The following STK32B variants were observed in gnomAD, a reference collection of about 807,000 sequenced individuals.
STK32B encodes serine/threonine kinase 32B, also known as serine/threonine-protein kinase 32B.
A neutral mutation model predicts 52.6 loss-of-function variants in STK32B; 43 were observed. The ratio of observed to expected loss-of-function variants is 0.82; its 90% CI spans 0.64 to 1.05. The LOEUF (loss-of-function observed/expected upper bound fraction) is 1.05. Among genes scored for constraint, STK32B ranks in the 50% least tolerant of loss-of-function variants. The pLI, the probability that STK32B is intolerant of heterozygous loss-of-function variation, is 0.00. For missense variants in STK32B, 621 were observed against 534.6 expected (o/e 1.16, Z -1.59); for synonymous variants, 238 against 204.3 (o/e 1.17, Z -1.41).
Position 5,181,361 on chromosome 4 carries a change from C to CACAT in STK32B, c.260+12914_260+12915insTACA, listed in dbSNP as rs1553846002. Among the ~76,000 whole-genome samples, 6 of 105,016 alleles carry CACAT rather than the reference C, an allele frequency of 5.7e-5. No individual in the cohort carries two copies. In the East Asian group the frequency reaches 1.1e-3, roughly 19 times the overall value. 68.9% of individuals were successfully genotyped at this position (105,016 alleles called of 152,430 possible). On this transcript the variant is annotated intron_variant, in intron 3 of 11. Coordinates refer to ENST00000282908, the MANE Select transcript of STK32B (RefSeq NM_018401.3). ...ACACACACACACACACACACACACA[C>CACAT]ACACACAGAGATCTCATTAAGGATG...
intron 4 of STK32B, among the ~76,000 whole-genome samples, chr4:5,376,837 C>T (rs115351722): frequency 0.032 from 4,906 of 152,272 alleles, 132 homozygotes; most frequent in East Asian, 0.11. Flanking sequence ...GTTCTCCCCA[C>T]ATCCCCTCTG....
intron 5 of STK32B, among the ~76,000 whole-genome samples, chr4:5,408,126 G>A (rs1737797491): frequency 6.6e-6 from 1 of 152,128 alleles, no homozygotes; most frequent in South Asian, 2.1e-4. Context: ...ATGACATTCT[G>A]TTACAGCAGC....
chr4:5,461,254 C>G (rs1210347474), intron 9 of STK32B, among the ~76,000 whole-genome samples: 1 of 152,282 alleles, frequency 6.6e-6, no homozygotes, highest in Non-Finnish European at 1.5e-5. Context: ...AAAGAGACAA[C>G]ATTTGCTCTT....
intron 5 of STK32B, among the ~76,000 whole-genome samples, chr4:5,408,662 G>A (rs1430697495): frequency 6.6e-6 from 1 of 152,108 alleles, no homozygotes; most frequent in Non-Finnish European, 1.5e-5. Context: ...TCCGATTCCA[G>A]CTCGGCCTGG....
chr4:5,409,931 CAT>C (rs1317166907), intron 5 of STK32B, among the ~76,000 whole-genome samples: 4 of 152,160 alleles, frequency 2.6e-5, no homozygotes, highest in Non-Finnish European at 5.9e-5. Flanking sequence ...GTGCTGAAAA[CAT>C]AGTCTTCCTA....
intron 3 of STK32B, among the ~76,000 whole-genome samples, chr4:5,186,726 A>G (rs1341132029): frequency 2.0e-5 from 3 of 152,070 alleles, no homozygotes; most frequent in Non-Finnish European, 4.4e-5. Context: ...CCTCCTCGAC[A>G]TACCCATCCC....
intron 3 of STK32B, among the ~76,000 whole-genome samples, chr4:5,188,227 A>T (rs575540226): frequency 6.6e-6 from 1 of 152,336 alleles, no homozygotes; most frequent in South Asian, 2.1e-4. Flanking sequence ...GGCTGTGCAG[A>T]TGGAGGCCAC....
rs1202845703 is a variant in STK32B, at chr4:5,317,109, A to AAT, written c.261-14103_261-14102dup. ...ATATAATATATATGATATAATATAT[A>AAT]ATATATATAATACATTATAATATAT... On this transcript the variant is annotated intron_variant, in intron 3 of 11. Transcript: ENST00000282908. Among the ~76,000 whole-genome samples, 3 of 36,036 alleles carry AAT rather than the reference A, an allele frequency of 8.3e-5. 1 individual carries two copies. Among genetic ancestry groups the AAT allele is most frequent in the Non-Finnish European group, 1.2e-4 (3 of 25,278 alleles). 23.6% of individuals were successfully genotyped at this position (36,036 alleles called of 152,430 possible).
At chr4:5,472,071 G>C (rs757015396) in intron 11 of STK32B, among the ~76,000 whole-genome samples, 2 of 152,210 alleles carry the variant, frequency 1.3e-5, no homozygotes, top group African/African-American at 2.4e-5. Flanking sequence ...CCCATCATCT[G>C]CACCAAGCAG....
chr4:5,237,632 A>G (rs1237396945), intron 3 of STK32B, among the ~76,000 whole-genome samples: 1 of 152,204 alleles, frequency 6.6e-6, no homozygotes, highest in Non-Finnish European at 1.5e-5. Flanking sequence ...TGTGCAGGAA[A>G]TGAATGTGAG....
At chr4:5,334,464 TTTATTTC>T (rs1308742811) in intron 4 of STK32B, among the ~76,000 whole-genome samples, 1 of 152,182 alleles carries the variant, frequency 6.6e-6, no homozygotes, top group Non-Finnish European at 1.5e-5. Flanking sequence ...TTGAATACCC[TTTATTTC>T]CTTCTCCTGC....
At chr4:5,129,874 T>C (rs1330986499) in intron 1 of STK32B, among the ~76,000 whole-genome samples, 2 of 152,162 alleles carry the variant, frequency 1.3e-5, no homozygotes, top group Admixed American at 1.3e-4. Context: ...CATTCACTTG[T>C]TCTTTCTTTT....
intron 4 of STK32B, among the ~76,000 whole-genome samples, chr4:5,379,016 T>C (rs553537958): frequency 6.6e-6 from 1 of 152,106 alleles, no homozygotes; most frequent in Admixed American, 6.6e-5. Flanking sequence ...TGAAAGAGAT[T>C]CCAGGGTCAA....
At chr4:5,351,368 G>A (rs546337317) in intron 4 of STK32B, among the ~76,000 whole-genome samples, 15 of 152,148 alleles carry the variant, frequency 9.9e-5, no homozygotes, top group Middle Eastern at 3.4e-3. Flanking sequence ...ATAACCACTA[G>A]TTCAAGAAAG....
chr4:5,199,224 G>A lies in STK32B; in HGVS notation c.260+30774G>A, dbSNP rs373201173. Among the ~76,000 whole-genome samples, 13 of 152,272 alleles carry A rather than the reference G, an allele frequency of 8.5e-5. No individual in the cohort carries two copies. The East Asian group carries it at 2.5e-3, about 29-fold the overall frequency. ...TTACTTTAATTGAACATGCACGGTGGTTGTTTGTACAGAAGCAAGCCAAGC... is the reference window on the plus strand; with the variant it reads ...TTACTTTAATTGAACATGCACGGTGATTGTTTGTACAGAAGCAAGCCAAGC... On this transcript the variant is annotated intron_variant, in intron 3 of 11. Transcript: ENST00000282908.
the STK32B span, among the ~76,000 whole-genome samples, chr4:5,022,696 A>G: frequency 6.6e-6 from 1 of 152,224 alleles, no homozygotes; most frequent in African/African-American, 2.4e-5. Flanking sequence ...GAGCAGGTGA[A>G]CATCTCTGAG....
At chr4:5,187,814 T>C (rs1170111602) in intron 3 of STK32B, among the ~76,000 whole-genome samples, 1 of 152,224 alleles carries the variant, frequency 6.6e-6, no homozygotes, top group Non-Finnish European at 1.5e-5. Context: ...CCAAAGCCTA[T>C]GCTCTTTCTA....
At chr4:5,492,750 A>G (rs1390390428) in intron 11 of STK32B, among the ~76,000 whole-genome samples, 4 of 151,432 alleles carry the variant, frequency 2.6e-5, no homozygotes. Context: ...GATACGTCCC[A>G]TCAATACCAA....
At chr4:5,368,412 A>G (rs948347518) in intron 4 of STK32B, among the ~76,000 whole-genome samples, 2 of 151,840 alleles carry the variant, frequency 1.3e-5, no homozygotes, top group African/African-American at 4.9e-5. Flanking sequence ...TGCTTTCAGT[A>G]ACTCACTAAT....
Sources: allele counts gnomAD v4.1 joint callset (sites outside exome capture counted in the v4.1 genomes callset), GRCh38; gene constraint gnomAD v4.1.1; transcripts MANE v1.5; gene names NCBI Gene and HGNC (gene_info 2026-07-23, HGNC 2026-07-21).